The following GRM8 variants were observed in gnomAD, a reference collection of about 807,000 sequenced individuals.
GRM8 encodes metabotropic glutamate receptor 8.
GRM8 carries 47 observed loss-of-function variants against 87.2 expected under a neutral mutation model. The ratio of observed to expected loss-of-function variants is 0.54; its 90% CI spans 0.43 to 0.69. The LOEUF is 0.69. GRM8 is among the 30% of genes least tolerant of loss of function. GRM8 has a pLI of 0.00. For missense variants in GRM8, 1,019 were observed against 1,139.2 expected (o/e 0.89, Z 1.52); for synonymous variants, 396 against 404.5 (o/e 0.98, Z 0.25).
chr7:126,548,334 T>C (rs1471042731), intron 8 of GRM8, among the ~76,000 whole-genome samples: 1 of 151,152 alleles, frequency 6.6e-6, no homozygotes, highest in Non-Finnish European at 1.5e-5. Context: ...AAAAAGGACA[T>C]AAACTGGTTA....
chr7:126,868,268 A>G (rs1180248420), intron 6 of GRM8, among the ~76,000 whole-genome samples: 1 of 152,232 alleles, frequency 6.6e-6, no homozygotes, highest in East Asian at 1.9e-4. Flanking sequence ...CCAACCCAAC[A>G]GGGGCATCAG....
chr7:127,209,495 C>T (rs1048596825), intron 2 of GRM8, among the ~76,000 whole-genome samples: 1 of 152,218 alleles, frequency 6.6e-6, no homozygotes, highest in Non-Finnish European at 1.5e-5. Context: ...ACCGCCCTCA[C>T]TGCTCCAGTC....
intron 7 of GRM8, among the ~76,000 whole-genome samples, chr7:126,727,758 T>C (rs1813169714): frequency 6.7e-6 from 1 of 149,656 alleles, no homozygotes; most frequent in Non-Finnish European, 1.5e-5. Context: ...AAAACAAAAC[T>C]ATAGGTCCTC....
At chr7:126,974,003 C>T (rs185976485) in intron 3 of GRM8, among the ~76,000 whole-genome samples, 2 of 152,270 alleles carry the variant, frequency 1.3e-5, no homozygotes, top group Admixed American at 1.3e-4. Flanking sequence ...TGAGCACAGA[C>T]ATGATGCTAC....
chr7:126,793,092 A>G (rs1288252729), intron 6 of GRM8, among the ~76,000 whole-genome samples: 1 of 152,176 alleles, frequency 6.6e-6, no homozygotes, highest in African/African-American at 2.4e-5. Flanking sequence ...GTTGAACATG[A>G]TCATGCTGCT....
chr7:126,740,419 G>A (rs1323263100), intron 7 of GRM8, among the ~76,000 whole-genome samples: 1 of 152,092 alleles, frequency 6.6e-6, no homozygotes, highest in African/African-American at 2.4e-5. Context: ...AACCTTTTCA[G>A]GACAGGTATG....
intron 3 of GRM8, among the ~76,000 whole-genome samples, chr7:126,995,686 T>C (rs1320978785): frequency 1.3e-5 from 2 of 151,724 alleles, no homozygotes; most frequent in Non-Finnish European, 2.9e-5. Flanking sequence ...TAAAAAGGAA[T>C]AAAAAATAAT....
In GRM8 at chr7:126,541,492, G is replaced by C. The variant is rs552991889; in HGVS notation, c.1495-7605C>G. ...GAGGAGTTTGGATGCCATCCTGAAGGTAGTTGGGATCTTCCATAGGGATAT... is the reference window on the plus strand; with the variant it reads ...GAGGAGTTTGGATGCCATCCTGAAGCTAGTTGGGATCTTCCATAGGGATAT... On this transcript the variant is annotated intron_variant, in intron 8 of 10. Transcript: ENST00000339582. Among the ~76,000 whole-genome samples, 3 of 152,260 alleles carry C rather than the reference G, an allele frequency of 2.0e-5. No homozygotes were observed. In the South Asian group the frequency reaches 6.2e-4, roughly 32 times the overall value.
chr7:126,826,110 C>T (rs1470677625), intron 6 of GRM8, among the ~76,000 whole-genome samples: 1 of 151,998 alleles, frequency 6.6e-6, no homozygotes, highest in Non-Finnish European at 1.5e-5. Flanking sequence ...TTTCTTAATC[C>T]AGTCTATCAT....
intron 9 of GRM8, among the ~76,000 whole-genome samples, chr7:126,483,120 T>C (rs1806903776): frequency 1.4e-5 from 2 of 147,768 alleles, no homozygotes; most frequent in African/African-American, 2.4e-5. Flanking sequence ...TATAACTAAA[T>C]ATATATAATA....
At chr7:127,015,801 GA>G in intron 3 of GRM8, among the ~76,000 whole-genome samples, 1 of 152,186 alleles carries the variant, frequency 6.6e-6, no homozygotes, top group Admixed American at 6.5e-5. Flanking sequence ...TCAACATACA[GA>G]AGGTTGATGT....
chr7:126,613,301 CA>C (rs1799104710), intron 7 of GRM8, among the ~76,000 whole-genome samples: 2 of 151,570 alleles, frequency 1.3e-5, no homozygotes, highest in Admixed American at 6.6e-5. Flanking sequence ...TTTTTGTCCA[CA>C]AAAAAATTTC....
intron 7 of GRM8, among the ~76,000 whole-genome samples, chr7:126,749,558 TA>T (rs1404598957): frequency 1.1e-4 from 16 of 149,798 alleles, no homozygotes; most frequent in Admixed American, 4.7e-4. Context: ...TATTTTTATA[TA>T]AAATATATAT....
intron 8 of GRM8, among the ~76,000 whole-genome samples, chr7:126,563,260 T>C (rs181836211): frequency 9.5e-4 from 144 of 151,818 alleles, no homozygotes; most frequent in African/African-American, 3.4e-3. Flanking sequence ...TTCTCTTTTA[T>C]AATATCAAAA....
At chr7:127,103,877 A>G (rs1431956450) in intron 3 of GRM8, among the ~76,000 whole-genome samples, 1 of 152,206 alleles carries the variant, frequency 6.6e-6, no homozygotes, top group Non-Finnish European at 1.5e-5. Context: ...CCACTCAGAA[A>G]GATCTCAACT....
At chr7:126,774,363 T>C (rs982681823) in intron 6 of GRM8, among the ~76,000 whole-genome samples, 7 of 152,186 alleles carry the variant, frequency 4.6e-5, no homozygotes, top group Admixed American at 1.3e-4. Context: ...AAAATTTCAT[T>C]ATGCTATAGT....
At chr7:126,734,887 GCA>G (rs963457911) in intron 7 of GRM8, among the ~76,000 whole-genome samples, 1 of 152,018 alleles carries the variant, frequency 6.6e-6, no homozygotes, top group African/African-American at 2.4e-5. Flanking sequence ...AAGGTGTTTA[GCA>G]CCAGGAAAGA....
chr7:126,734,417 A>G (rs940465593), intron 7 of GRM8, among the ~76,000 whole-genome samples: 3 of 151,824 alleles, frequency 2.0e-5, no homozygotes, highest in Admixed American at 2.0e-4. Context: ...GCACAAAAAA[A>G]GATAGCCAGA....
intron 9 of GRM8, among the ~76,000 whole-genome samples, chr7:126,447,600 A>C (rs1480852437): frequency 1.3e-5 from 2 of 151,914 alleles, no homozygotes; most frequent in Non-Finnish European, 2.9e-5. Flanking sequence ...ATAAAGAATC[A>C]AAAACAAAAC....
Sources: allele counts gnomAD v4.1 joint callset (sites outside exome capture counted in the v4.1 genomes callset), GRCh38; gene constraint gnomAD v4.1.1; transcripts MANE v1.5; gene names NCBI Gene and HGNC (gene_info 2026-07-23, HGNC 2026-07-21).